The following KIF13A variants were observed in gnomAD, a reference collection of about 807,000 sequenced individuals.
KIF13A encodes the protein kinesin-like protein KIF13A.
KIF13A carries 79 observed loss-of-function variants against 212.2 expected under a neutral mutation model. That is an observed-to-expected ratio of 0.37 (90% CI 0.31 to 0.45). The LOEUF is 0.45. Ranked by LOEUF, KIF13A falls within the 20% of genes least tolerant of loss-of-function variation. The pLI is 1.00. For missense variants in KIF13A, 1,901 were observed against 2,209.0 expected (o/e 0.86, Z 2.79); for synonymous variants, 789 against 808.6 (o/e 0.98, Z 0.41).
chr6:17,773,682 T>A lies in KIF13A; in HGVS notation c.4219-99A>T, dbSNP rs1391881073. The A allele has an allele frequency of 1.8e-5, 10 of 562,370 alleles. No individual in the cohort carries two copies. Among genetic ancestry groups the A allele is most frequent in the Non-Finnish European group, 2.8e-5 (9 of 318,066 alleles). 34.8% of individuals were successfully genotyped at this position (562,370 alleles called of 1,614,324 possible). A position where few individuals can be genotyped will look rare whatever the true frequency, so the allele number is the denominator to read the frequency against. ...CTTCTGTTTTTTTTTAATGGCAGCA[T>A]ATGCTCTTCTTTATTTTTATTATGA... On this transcript the variant is annotated intron_variant, in intron 35 of 38. Coordinates refer to ENST00000259711, the MANE Select transcript of KIF13A (RefSeq NM_022113.6). This position sits in a 1 kb window ranked among gnomAD's most constrained non-coding sequence, Gnocchi z 4.2.
chr6:17,865,072 C>T (rs652986), intron 4 of KIF13A, among the ~76,000 whole-genome samples: 7 of 152,078 alleles, frequency 4.6e-5, no homozygotes, highest in East Asian at 1.9e-4. Context: ...GGAGGATATA[C>T]GCCCTATCTT....
intron 29 of KIF13A, among the ~76,000 whole-genome samples, chr6:17,781,876 C>A (rs1358278462): frequency 1.3e-5 from 2 of 152,116 alleles, no homozygotes; most frequent in Non-Finnish European, 2.9e-5. Context: ...AGTCCTCCTG[C>A]ATGGTCCTCC....
chr6:17,963,643 G>A lies in KIF13A; in HGVS notation c.146+23411C>T, dbSNP rs111812921. On this transcript the variant is annotated intron_variant, in intron 2 of 38. Coordinates refer to ENST00000259711, the MANE Select transcript of KIF13A (RefSeq NM_022113.6). This position sits in a 1 kb window ranked among gnomAD's most constrained non-coding sequence, Gnocchi z 4.1. ...GTGATCGCAGCTTACTGCAACCTCC[G>A]CCTCCTGGGTTCCAACGATTCCCCT... Among the ~76,000 whole-genome samples the A allele has an allele frequency of 0.011, 1,669 of 152,228 alleles. 24 individuals are homozygous for A. Among genetic ancestry groups the A allele is most frequent in the African/African-American group, 0.038 (1,581 of 41,554 alleles).
chr6:17,960,105 G>A (rs1263018136), intron 2 of KIF13A, among the ~76,000 whole-genome samples: 1 of 151,798 alleles, frequency 6.6e-6, no homozygotes, highest in Non-Finnish European at 1.5e-5. Flanking sequence ...GCTAGAAAAA[G>A]GTTTATCATG....
chr6:17,908,469 T>C (rs980147115), intron 2 of KIF13A, among the ~76,000 whole-genome samples: 8 of 152,060 alleles, frequency 5.3e-5, no homozygotes, highest in African/African-American at 1.9e-4. Flanking sequence ...CCAGGTGTGA[T>C]GGTGCGTGCC....
chr6:17,799,548 G>T lies in KIF13A; in HGVS notation c.2617-109C>A. The stretch of plus-strand genomic sequence containing the variant: ...GATGAAACAAATTGGTCATCCATTT[G>T]ACATGTGAAAATATTATATCTGACA... On this transcript the variant is annotated intron_variant, in intron 21 of 38. Transcript: ENST00000259711. The surrounding 1 kb of genome is among the most constrained non-coding windows in gnomAD (Gnocchi z 4.4). The T allele has an allele frequency of 2.3e-6, 2 of 874,472 alleles. No homozygotes were observed. The highest frequency in any genetic ancestry group is 3.0e-5 in the Admixed American group (1 of 33,562). The allele number at this position is 874,472 out of a possible 1,614,324, so 54.2% of individuals were successfully genotyped here.
intron 2 of KIF13A, among the ~76,000 whole-genome samples, chr6:17,936,736 CAAGT>C (rs1487984459): frequency 6.6e-6 from 1 of 151,974 alleles, no homozygotes; most frequent in African/African-American, 2.4e-5. Context: ...ACTGTATTCA[CAAGT>C]AATATTAACG....
At chr6:17,800,194 A>G in intron 20 of KIF13A, 81 bp from the exon 21 acceptor site, 3 of 1,366,934 alleles carry the variant, frequency 2.2e-6, no homozygotes, top group South Asian at 2.8e-5. Context: ...TGCCTTCTAC[A>G]GTGAACCTGG....
rs1781061198 is a variant in KIF13A, at chr6:17,981,383, C to G, written c.146+5671G>C. On this transcript the variant is annotated intron_variant, in intron 2 of 38. Transcript: ENST00000259711. Reference sequence around the variant, plus strand: ...AACAAAATAATATAACCACTCTAAACTACAATGCATTATAATTACTTTTAG... The same window carrying G: ...AACAAAATAATATAACCACTCTAAAGTACAATGCATTATAATTACTTTTAG... 2.0e-5 allele frequency among the ~76,000 whole-genome samples: 3 copies of G among 151,156 alleles called. No homozygotes were observed. In the South Asian group the frequency reaches 6.2e-4, roughly 31 times the overall value.
chr6:17,924,490 T>C (rs1436170373), intron 2 of KIF13A, among the ~76,000 whole-genome samples: 1 of 152,240 alleles, frequency 6.6e-6, no homozygotes, highest in East Asian at 1.9e-4. Context: ...AAAGTGCTTC[T>C]ATAAGTAAAC....
At chr6:17,851,858 T>A in intron 7 of KIF13A, 97 bp downstream of exon 7, 1 of 544,336 alleles carries the variant, frequency 1.8e-6, no homozygotes, top group Non-Finnish European at 3.0e-6. Flanking sequence ...AGTAGTATCA[T>A]TCTGCTATAA....
Position 17,834,171 on chromosome 6 carries a change from G to T in KIF13A, c.1156-100C>A. ...CCTCTTAAGCAGTTATCAATAGTCT[G>T]TTGGAAAAAATTAAGTTATATGCTG... On this transcript the variant is annotated intron_variant, in intron 11 of 38. Transcript: ENST00000259711. The surrounding 1 kb of genome is among the most constrained non-coding windows in gnomAD (Gnocchi z 4.0). 4 of 713,018 alleles carry T rather than the reference G, an allele frequency of 5.6e-6. No homozygotes were observed. In the South Asian group the frequency reaches 7.7e-5, roughly 14 times the overall value. The allele number at this position is 713,018 out of a possible 1,614,324, so 44.2% of individuals were successfully genotyped here. A position where few individuals can be genotyped will look rare whatever the true frequency, so the allele number is the denominator to read the frequency against.
chr6:17,878,477 A>G (rs1770770256), intron 3 of KIF13A, among the ~76,000 whole-genome samples: 2 of 146,684 alleles, frequency 1.4e-5, no homozygotes, highest in South Asian at 4.2e-4. Flanking sequence ...AGACAGGGTC[A>G]TGTTGTGTTG....
chr6:17,819,279 GGGGGCCAGGC>G (rs575425589), intron 16 of KIF13A, among the ~76,000 whole-genome samples: 27 of 152,166 alleles, frequency 1.8e-4, no homozygotes, highest in Non-Finnish European at 3.5e-4. Context: ...AAAATAAACT[GGGGGCCAGGC>G]GTGGTGGCTC....
In KIF13A at chr6:17,917,188, G is replaced by A. The variant is rs1207570731; in HGVS notation, c.147-19008C>T. Among the ~76,000 whole-genome samples, 9 of 151,288 alleles carry A rather than the reference G, an allele frequency of 5.9e-5. No homozygotes were observed. In the South Asian group the frequency reaches 6.3e-4, roughly 11 times the overall value. On this transcript the variant is annotated intron_variant, in intron 2 of 38. Transcript: ENST00000259711. ...TCTACTCTACGGGAAGGAGGAAAAC[G>A]GAGGGGGAACTAACATTATTGAGCA...
In KIF13A at chr6:17,799,907, A is replaced by G. The variant is rs368127234; in HGVS notation, c.2616+45T>C. The stretch of plus-strand genomic sequence containing the variant: ...AAGATTTTTTGTAAAATGGTTTTGC[A>G]TGAAAAAGGTCATTTATATGAGCCT... On this transcript the variant is annotated intron_variant, in intron 21 of 38. Transcript: ENST00000259711. This position sits in a 1 kb window ranked among gnomAD's most constrained non-coding sequence, Gnocchi z 4.4. The G allele has an allele frequency of 2.1e-5, 33 of 1,574,018 alleles. No homozygotes were observed. The highest frequency in any genetic ancestry group is 3.4e-6 in the Non-Finnish European group (4 of 1,162,908).
In KIF13A at chr6:17,855,155, T is replaced by C. The variant is rs1283879474; in HGVS notation, c.494+282A>G. 6.6e-6 allele frequency among the ~76,000 whole-genome samples: 1 copy of C among 152,164 alleles called. No homozygotes were observed. The highest frequency in any genetic ancestry group is 1.5e-5 in the Non-Finnish European group (1 of 68,042). On this transcript the variant is annotated intron_variant, in intron 6 of 38. Transcript: ENST00000259711. This position sits in a 1 kb window ranked among gnomAD's most constrained non-coding sequence, Gnocchi z 4.1. Reference sequence around the variant, plus strand: ...TGTAAATGGAAGAACTAATGTGTTATTCCTAACTCAATTTTTGTGAATAGT... The same window carrying C: ...TGTAAATGGAAGAACTAATGTGTTACTCCTAACTCAATTTTTGTGAATAGT...
intron 38 of KIF13A, among the ~76,000 whole-genome samples, chr6:17,767,303 G>A (rs1389399266): frequency 2.7e-5 from 4 of 149,274 alleles, no homozygotes; most frequent in African/African-American, 9.9e-5. Context: ...CGTCCAGGCT[G>A]GAGTGCAATG....
At chr6:17,970,286 T>C (rs1387327236) in intron 2 of KIF13A, among the ~76,000 whole-genome samples, 2 of 152,074 alleles carry the variant, frequency 1.3e-5, no homozygotes, top group African/African-American at 4.8e-5. Flanking sequence ...ATTTATTCAA[T>C]TTAAGTTTTT....
Sources: allele counts gnomAD v4.1 joint callset (sites outside exome capture counted in the v4.1 genomes callset), GRCh38; gene constraint gnomAD v4.1.1; non-coding constraint Gnocchi (gnomAD v3.1); transcripts MANE v1.5; gene names NCBI Gene and HGNC (gene_info 2026-07-23, HGNC 2026-07-21).